Variants in ALKBH5 observed in about 807,000 individuals in gnomAD.
The protein encoded by ALKBH5 is alkB homolog 5, RNA demethylase.
ALKBH5 carries 2 observed loss-of-function variants against 32.1 expected under a neutral mutation model. The ratio of observed to expected loss-of-function variants is 0.06; its 90% CI spans 0.03 to 0.20. The LOEUF (loss-of-function observed/expected upper bound fraction) is 0.20, where lower values mean the gene tolerates loss of function less well. Ranked by LOEUF, ALKBH5 falls within the 10% of genes least tolerant of loss-of-function variation. The pLI is 1.00. For synonymous variants in ALKBH5, 300 were observed against 231.7 expected, an observed-to-expected ratio of 1.29 and a Z score of -2.68; for missense variants, 352 against 559.5, an observed-to-expected ratio of 0.63 and a Z score of 3.74.
chr17:18,199,810 AC>A (rs2047225892), intron 2 of ALKBH5, among the ~76,000 whole-genome samples: 1 of 152,018 alleles, frequency 6.6e-6, no homozygotes, highest in African/African-American at 2.4e-5. Flanking sequence ...TGCAAAAAAA[AC>A]CCCAAAAACC....
intron 2 of ALKBH5, among the ~76,000 whole-genome samples, chr17:18,199,990 G>C (rs1409296011): frequency 6.6e-6 from 1 of 151,804 alleles, no homozygotes; most frequent in African/African-American, 2.4e-5. Context: ...CCAGCTACTG[G>C]GGAGGCTGAG....
At position 18,184,183 on chromosome 17, in the gene ALKBH5, T is replaced by G; in HGVS notation, c.-61T>G. ...CCGGGGGCCCCGGGGCGCGTCCCCTTAGAGCCATGCCCGGCTGCCCCGCCC... is the reference window on the plus strand; with the variant it reads ...CCGGGGGCCCCGGGGCGCGTCCCCTGAGAGCCATGCCCGGCTGCCCCGCCC... On this transcript the variant is annotated 5_prime_UTR_variant, in exon 1 of 4. Transcript: ENST00000399138. 2 of 1,404,790 alleles carry G rather than the reference T, an allele frequency of 1.4e-6. No homozygotes were observed. Among genetic ancestry groups the G allele is most frequent in the African/African-American group, 1.5e-5 (1 of 66,442 alleles). 87.0% of individuals were successfully genotyped at this position (1,404,790 alleles called of 1,614,324 possible).
At chr17:18,201,779 A>ATAGATAGATAGATAGATAGG (rs1567676613) in intron 2 of ALKBH5, among the ~76,000 whole-genome samples, 2 of 110,638 alleles carry the variant, frequency 1.8e-5, no homozygotes, top group African/African-American at 6.4e-5. Context: ...AGATAGATAG[A>ATAGATAGATAGATAGATAGG]TAGATAGGAT....
chr17:18,197,232 C>G (rs774241520), intron 2 of ALKBH5, among the ~76,000 whole-genome samples: 5 of 152,224 alleles, frequency 3.3e-5, no homozygotes, highest in Admixed American at 6.5e-5. Flanking sequence ...TTGGCAGCCT[C>G]TCTTTTCTAG....
chr17:18,201,015 G>A (rs2047233535), intron 2 of ALKBH5, among the ~76,000 whole-genome samples: 1 of 152,014 alleles, frequency 6.6e-6, no homozygotes. Flanking sequence ...GATCCACAGA[G>A]TTCGAGGAGT....
intron 2 of ALKBH5, among the ~76,000 whole-genome samples, chr17:18,204,112 T>C (rs1275022300): frequency 2.0e-5 from 3 of 152,222 alleles, no homozygotes; most frequent in Admixed American, 1.3e-4. Context: ...TAGTCTGATT[T>C]CTGCCACCTG....
intron 1 of ALKBH5, among the ~76,000 whole-genome samples, chr17:18,186,999 T>C (rs2047143496): frequency 6.6e-6 from 1 of 152,130 alleles, no homozygotes; most frequent in African/African-American, 2.4e-5. Context: ...CTTGCTTTCA[T>C]ATACAACCAC....
At position 18,183,920 on chromosome 17, in the gene ALKBH5, T is replaced by G; in HGVS notation, c.-324T>G. 1.9e-6 allele frequency: 1 copy of G among 527,838 alleles called. No homozygotes were observed. Among genetic ancestry groups the G allele is most frequent in the Non-Finnish European group, 3.6e-6 (1 of 280,784 alleles). 32.7% of individuals were successfully genotyped at this position (527,838 alleles called of 1,614,324 possible). A position where few individuals can be genotyped will look rare whatever the true frequency, so the allele number is the denominator to read the frequency against. ...TTTAAAGTGCGGGCCGGGCCGGGCGTCCGAGGGTCTGGTCGGGAGTCGGGC... is the reference window on the plus strand; with the variant it reads ...TTTAAAGTGCGGGCCGGGCCGGGCGGCCGAGGGTCTGGTCGGGAGTCGGGC... On this transcript the variant is annotated 5_prime_UTR_variant, in exon 1 of 4. Coordinates refer to ENST00000399138, the MANE Select transcript of ALKBH5 (RefSeq NM_017758.4).
intron 1 of ALKBH5, among the ~76,000 whole-genome samples, chr17:18,187,097 C>T (rs897390348): frequency 1.3e-5 from 2 of 151,996 alleles, no homozygotes; most frequent in African/African-American, 4.8e-5. Context: ...GTAGTTCAAG[C>T]CCCATGGAGG....
At chr17:18,205,109 C>T (rs1244660792) in intron 2 of ALKBH5, among the ~76,000 whole-genome samples, 1 of 152,158 alleles carries the variant, frequency 6.6e-6, no homozygotes, top group East Asian at 1.9e-4. Context: ...GGTAGTTGCC[C>T]AGTACCACCT....
chr17:18,190,744 TGAAGG>T (rs1478922156), intron 1 of ALKBH5, among the ~76,000 whole-genome samples: 4 of 152,070 alleles, frequency 2.6e-5, no homozygotes, highest in Admixed American at 6.5e-5. Context: ...AGCTTTGTCT[TGAAGG>T]GAAGACACAA....
chr17:18,209,490 G>C lies in ALKBH5; in HGVS notation c.*1094G>C, dbSNP rs1252061343. ...CTGGGCTGGTGCCTCCTCCGCTTCAGGGTATGGGAGTTGGTGAAGGGGCTT... is the reference window on the plus strand; with the variant it reads ...CTGGGCTGGTGCCTCCTCCGCTTCACGGTATGGGAGTTGGTGAAGGGGCTT... On this transcript the variant is annotated 3_prime_UTR_variant, in exon 4 of 4. Transcript: ENST00000399138. 1 of 152,444 alleles carries C rather than the reference G, an allele frequency of 6.6e-6. No homozygotes were observed. The highest frequency in any genetic ancestry group is 1.5e-5 in the Non-Finnish European group (1 of 68,048). The allele number at this position is 152,444 out of a possible 1,614,324, so 9.4% of individuals were successfully genotyped here.
chr17:18,204,382 C>G (rs530675196), intron 2 of ALKBH5, among the ~76,000 whole-genome samples: 3 of 150,634 alleles, frequency 2.0e-5, no homozygotes, highest in Non-Finnish European at 4.4e-5. Flanking sequence ...ACGCGGGAGG[C>G]GGAGGTTGCA....
chr17:18,201,834 TAGATGATA>T (rs1186946178), intron 2 of ALKBH5, among the ~76,000 whole-genome samples: 18 of 122,166 alleles, frequency 1.5e-4, no homozygotes, highest in African/African-American at 4.6e-4. Flanking sequence ...GATAGATAGA[TAGATGATA>T]GATAGATTGA....
chr17:18,201,777 A>AGATAGATAGATAGATAGGTAGATAGATAG (rs1567676605), intron 2 of ALKBH5, among the ~76,000 whole-genome samples: 1 of 124,466 alleles, frequency 8.0e-6, no homozygotes, highest in Non-Finnish European at 1.8e-5. Flanking sequence ...ATAGATAGAT[A>AGATAGATAGATAGATAGGTAGATAGATAG]GATAGATAGG....
Position 18,206,949 on chromosome 17 carries a change from C to T in ALKBH5, c.986C>T (p.Ala329Val). The T allele has an allele frequency of 6.2e-7, 1 of 1,614,242 alleles. No homozygotes were observed. The highest frequency in any genetic ancestry group is 1.7e-4 in the Middle Eastern group (1 of 6,060). Residue 329 changes from alanine (A) to valine (V), a missense_variant, in exon 3 of 4, where the codon GCA (alanine) becomes GTA (valine). Physicochemically the swap from Ala to Val is moderately conservative, Grantham distance 64. Transcript: ENST00000399138. Reference protein sequence around the residue: ...ALKPKRSHRKADPDAAHRPRI... With the variant: ...ALKPKRSHRKVDPDAAHRPRI... Reference sequence around the variant, plus strand: ...AAACCCAAGCGGTCCCACCGCAAGGCAGACCCTGATGCTGCCCACAGGTAC... The same window carrying T: ...AAACCCAAGCGGTCCCACCGCAAGGTAGACCCTGATGCTGCCCACAGGTAC...
chr17:18,206,620 T>C, intron 2 of ALKBH5, 195 bp from the exon 3 acceptor site: 1 of 620,916 alleles, frequency 1.6e-6, no homozygotes, highest in Non-Finnish European at 2.9e-6. Context: ...CTCCTAAAGG[T>C]GGACTTGAGG....
In ALKBH5 at chr17:18,195,376, C is replaced by T. The variant is rs1036876020; in HGVS notation, c.851+341C>T. 4.6e-5 allele frequency among the ~76,000 whole-genome samples: 7 copies of T among 152,184 alleles called. No homozygotes were observed. In the East Asian group the frequency reaches 7.7e-4, roughly 17 times the overall value. Reference sequence around the variant, plus strand: ...ACCTCCTTCGTTCTTATTTGTTACACGTACTCTTGGTGATTATTTTTAGAC... The same window carrying T: ...ACCTCCTTCGTTCTTATTTGTTACATGTACTCTTGGTGATTATTTTTAGAC... On this transcript the variant is annotated intron_variant, in intron 2 of 3. Coordinates refer to ENST00000399138, the MANE Select transcript of ALKBH5 (RefSeq NM_017758.4).
At chr17:18,199,546 CTGTT>C (rs1364702220) in intron 2 of ALKBH5, among the ~76,000 whole-genome samples, 2 of 152,172 alleles carry the variant, frequency 1.3e-5, no homozygotes, top group African/African-American at 2.4e-5. Flanking sequence ...GGTATGAACT[CTGTT>C]TGGAAAGGGG....
Sources: allele counts gnomAD v4.1 joint callset (sites outside exome capture counted in the v4.1 genomes callset), GRCh38; gene constraint gnomAD v4.1.1; transcripts MANE v1.5; gene names NCBI Gene and HGNC (gene_info 2026-07-23, HGNC 2026-07-21).